DAP: variants seen among roughly 807,000 people sequenced by gnomAD.
The protein encoded by DAP is death-associated protein 1.
A neutral mutation model predicts 13.8 loss-of-function variants in DAP; 8 were observed. The ratio of observed to expected loss-of-function variants is 0.58; its 90% CI spans 0.34 to 1.05. DAP has a LOEUF of 1.05. Ranked by LOEUF, DAP falls within the 50% of genes least tolerant of loss-of-function variation. The probability of loss-of-function intolerance (pLI) is 0.03; values close to 1 mark genes in which losing one functional copy is unlikely to be tolerated. For synonymous variants in DAP, 47 were observed against 47.5 expected (o/e 0.99, Z 0.04); for missense variants, 106 against 133.2 (o/e 0.80, Z 1.01).
chr5:10,697,178 G>T (rs1050486947), intron 2 of DAP, among the ~76,000 whole-genome samples: 2 of 152,196 alleles, frequency 1.3e-5, no homozygotes, highest in Admixed American at 6.5e-5. Flanking sequence ...AAAGACGCTA[G>T]ATCAGGCATT....
rs1739908296 is a variant in DAP, at chr5:10,746,425, G to A, written c.152+1750C>T. Among the ~76,000 whole-genome samples, 3 of 151,318 alleles carry A rather than the reference G, an allele frequency of 2.0e-5. No individual in the cohort carries two copies. The South Asian group carries it at 6.2e-4, about 31-fold the overall frequency. ...GCTCAATGCAACCTCCGCCTCCTGA[G>A]TTCAGGGGGTTCTCCTGCCTCAGCC... On this transcript the variant is annotated intron_variant, in intron 2 of 3. Transcript: ENST00000230895.
In DAP at chr5:10,694,591, C is replaced by G. The variant is rs1317011891; in HGVS notation, c.153-11020G>C. On this transcript the variant is annotated intron_variant, in intron 2 of 3. Transcript: ENST00000230895. ...CCTCAAATCAAACCCTCTGTCAGTG[C>G]AGAAGAAGAGGCCCTTGGGCCTCAC... 2.0e-5 allele frequency among the ~76,000 whole-genome samples: 3 copies of G among 152,176 alleles called. No homozygotes were observed. The East Asian group carries it at 5.8e-4, about 29-fold the overall frequency.
At chr5:10,728,754 C>T (rs988789877) in intron 2 of DAP, among the ~76,000 whole-genome samples, 6 of 152,092 alleles carry the variant, frequency 3.9e-5, no homozygotes, top group Non-Finnish European at 7.4e-5. Context: ...GGCTAACCCA[C>T]GAAGAAGGTC....
At chr5:10,730,717 A>T (rs1428703723) in intron 2 of DAP, among the ~76,000 whole-genome samples, 25 of 113,150 alleles carry the variant, frequency 2.2e-4, no homozygotes, top group African/African-American at 8.6e-4. Flanking sequence ...AGTGAGGGGG[A>T]ATCTTTCTGT....
At chr5:10,709,716 C>A (rs570490184) in intron 2 of DAP, among the ~76,000 whole-genome samples, 2 of 152,334 alleles carry the variant, frequency 1.3e-5, no homozygotes, top group South Asian at 4.1e-4. Context: ...GCTTGGAACT[C>A]TGCTGCACAG....
At chr5:10,686,591 C>A (rs192046433) in intron 2 of DAP, among the ~76,000 whole-genome samples, 32 of 152,158 alleles carry the variant, frequency 2.1e-4, no homozygotes, top group Admixed American at 2.1e-3. Context: ...TTCCCTTAAG[C>A]CAAAGTCTAA....
At chr5:10,686,137 C>T (rs763749906) in intron 2 of DAP, among the ~76,000 whole-genome samples, 7 of 152,170 alleles carry the variant, frequency 4.6e-5, no homozygotes, top group South Asian at 2.1e-4. Context: ...CACCACGAAC[C>T]GTGCCCATAT....
chr5:10,704,760 G>T (rs1050687544), intron 2 of DAP, among the ~76,000 whole-genome samples: 1 of 152,070 alleles, frequency 6.6e-6, no homozygotes, highest in African/African-American at 2.4e-5. Context: ...TCTAGAGCCC[G>T]TTGCCTGTGA....
At chr5:10,739,723 T>A (rs2126672714) in intron 2 of DAP, among the ~76,000 whole-genome samples, 1 of 152,072 alleles carries the variant, frequency 6.6e-6, no homozygotes, top group East Asian at 1.9e-4. Flanking sequence ...ATTTGTGAGG[T>A]CTTGAATCTA....
intron 2 of DAP, among the ~76,000 whole-genome samples, chr5:10,723,714 A>C (rs998241121): frequency 6.6e-6 from 1 of 152,224 alleles, no homozygotes; most frequent in Non-Finnish European, 1.5e-5. Flanking sequence ...CCAGATACTA[A>C]AGCAAAAGAA....
At chr5:10,734,585 C>T (rs1739556743) in intron 2 of DAP, among the ~76,000 whole-genome samples, 1 of 152,198 alleles carries the variant, frequency 6.6e-6, no homozygotes, top group Non-Finnish European at 1.5e-5. Context: ...GCTAGATTCA[C>T]TGGGAATCCT....
At position 10,707,673 on chromosome 5, in the gene DAP, T is replaced by C. The variant is rs1738733465; in HGVS notation, c.153-24102A>G. Among the ~76,000 whole-genome samples the C allele has an allele frequency of 6.6e-6, 1 of 152,106 alleles. No homozygotes were observed. The highest frequency in any genetic ancestry group is 1.5e-5 in the Non-Finnish European group (1 of 68,020). On this transcript the variant is annotated intron_variant, in intron 2 of 3. Coordinates refer to ENST00000230895, the MANE Select transcript of DAP (RefSeq NM_004394.3). The surrounding 1 kb of genome is among the most constrained non-coding windows in gnomAD (Gnocchi z 4.0). ...CGGGTGGTGTGATTTGCGATCAGTGTGGTGCACAGGCGGCGTGATGTACAG... is the reference window on the plus strand; with the variant it reads ...CGGGTGGTGTGATTTGCGATCAGTGCGGTGCACAGGCGGCGTGATGTACAG...
At chr5:10,743,181 G>A (rs560511540) in intron 2 of DAP, among the ~76,000 whole-genome samples, 1 of 152,278 alleles carries the variant, frequency 6.6e-6, no homozygotes, top group Admixed American at 6.5e-5. Context: ...TTTATGCATA[G>A]TTTTTTATTG....
At chr5:10,758,664 C>T (rs1044964888) in intron 1 of DAP, among the ~76,000 whole-genome samples, 6 of 152,174 alleles carry the variant, frequency 3.9e-5, no homozygotes, top group East Asian at 1.9e-4. Flanking sequence ...TGACTTGCCC[C>T]GAGGCCCAAA....
chr5:10,728,928 C>T (rs1256912553), intron 2 of DAP, among the ~76,000 whole-genome samples: 5 of 152,176 alleles, frequency 3.3e-5, no homozygotes, highest in Non-Finnish European at 7.3e-5. Flanking sequence ...ATGCTGTTCC[C>T]CCAACCAGTA....
chr5:10,722,775 C>T (rs1739187994), intron 2 of DAP, among the ~76,000 whole-genome samples: 2 of 151,950 alleles, frequency 1.3e-5, no homozygotes, highest in African/African-American at 4.8e-5. Context: ...AACACTTCAC[C>T]CACCAATAGC....
chr5:10,739,667 C>T (rs1373703484), intron 2 of DAP, among the ~76,000 whole-genome samples: 1 of 152,104 alleles, frequency 6.6e-6, no homozygotes, highest in Non-Finnish European at 1.5e-5. Context: ...ATATCCTAAG[C>T]CACTACAAGT....
intron 3 of DAP, among the ~76,000 whole-genome samples, chr5:10,681,468 C>T (rs1226966114): frequency 1.0e-5 from 1 of 98,374 alleles, no homozygotes; most frequent in African/African-American, 4.0e-5. Flanking sequence ...ATGTGAGGAA[C>T]GTCCAGGCCA....
At position 10,716,630 on chromosome 5, in the gene DAP, C is replaced by T. The variant is rs139168234; in HGVS notation, c.152+31545G>A. ...GCCTACATCTTTCTCCCATGCTGGACGCTTCCTGCCCTCAAACATTGGACT... is the reference window on the plus strand; with the variant it reads ...GCCTACATCTTTCTCCCATGCTGGATGCTTCCTGCCCTCAAACATTGGACT... On this transcript the variant is annotated intron_variant, in intron 2 of 3. Coordinates refer to ENST00000230895, the MANE Select transcript of DAP (RefSeq NM_004394.3). 4.8e-3 allele frequency among the ~76,000 whole-genome samples: 736 copies of T among 152,320 alleles called. 6 individuals carry two copies. The highest frequency in any genetic ancestry group is 0.017 in the African/African-American group (694 of 41,566).
Sources: gnomAD v4.1 joint callset for allele counts (sites outside exome capture counted in the v4.1 genomes callset) on GRCh38, gnomAD v4.1.1 for gene constraint, Gnocchi (gnomAD v3.1) non-coding constraint, MANE v1.5 for transcripts, NCBI Gene and HGNC (gene_info 2026-07-23, HGNC 2026-07-21) for gene names.